Variants in CHD7 observed in about 807,000 individuals in gnomAD.
CHD7 encodes the protein ATP-dependent chromatin remodeler CHD7.
CHD7 carries 24 observed loss-of-function variants against 307.3 expected under a neutral mutation model. The observed-to-expected ratio is 0.08, with a 90% confidence interval of 0.06 to 0.11. CHD7 has a LOEUF of 0.11. Among genes scored for constraint, CHD7 ranks in the 10% least tolerant of loss-of-function variants. CHD7 has a pLI of 1.00. For missense variants in CHD7, 3,106 were observed against 3,727.1 expected (o/e 0.83, Z 4.34); for synonymous variants, 1,363 against 1,349.9 (o/e 1.01, Z -0.21).
At position 60,781,403 on chromosome 8, in the gene CHD7, C is replaced by A. The variant is rs1423334732; in HGVS notation, c.2069C>A (p.Pro690Gln). 6.5e-7 allele frequency: 1 copy of A among 1,529,976 alleles called. No individual in the cohort carries two copies. Among genetic ancestry groups the A allele is most frequent in the Non-Finnish European group, 8.7e-7 (1 of 1,147,654 alleles). 94.8% of individuals were successfully genotyped at this position (1,529,976 alleles called of 1,614,324 possible). Reference protein sequence around the residue: ...PKEKKAKTATPKPKSSKKSSN... With the variant: ...PKEKKAKTATQKPKSSKKSSN... ...GAAAAGAAAGCAAAAACTGCCACGCCAAAACCCAAATCCAGCAAAAAGTCA... is the reference window on the plus strand; with the variant it reads ...GAAAAGAAAGCAAAAACTGCCACGCAAAAACCCAAATCCAGCAAAAAGTCA... Residue 690 changes from proline to glutamine, a missense_variant, in exon 3 of 38, where the codon CCA becomes CAA. Physicochemically the swap from Pro to Gln is moderately conservative, Grantham distance 76. This residue lies in a region of CHD7 where 998 missense variants were observed against 1,004.5 expected (regional missense o/e 0.99). Coordinates refer to ENST00000423902, the MANE Select transcript of CHD7 (RefSeq NM_017780.4).
At chr8:60,811,913 T>A (rs1254944862) in intron 7 of CHD7, among the ~76,000 whole-genome samples, 2 of 152,244 alleles carry the variant, frequency 1.3e-5, no homozygotes, top group Non-Finnish European at 2.9e-5. Context: ...CATTTTCTCT[T>A]ATTGTGAATA....
rs554276306 is a variant in CHD7 at position 60,778,809 on chromosome 8, A to G, written c.1666-2191A>G. On this transcript the variant is annotated intron_variant, in intron 2 of 37. Coordinates refer to ENST00000423902, the MANE Select transcript of CHD7 (RefSeq NM_017780.4). ...GGAATAATATGTACAAACTAACTCA[A>G]CTTATGCAAACTAAATATAAAACAG... is the stretch of plus-strand genomic sequence containing the variant. 3.2e-3 allele frequency among the ~76,000 whole-genome samples: 490 copies of G among 152,352 alleles called. 2 individuals are homozygous for G. The highest frequency in any genetic ancestry group is 5.4e-3 in the Non-Finnish European group (364 of 68,030).
intron 7 of CHD7, among the ~76,000 whole-genome samples, chr8:60,813,413 A>G (rs1812902265): frequency 6.6e-6 from 1 of 152,190 alleles, no homozygotes; most frequent in Non-Finnish European, 1.5e-5. Context: ...TGTCAGTTAC[A>G]TTGGCTAATA....
intron 1 of CHD7, among the ~76,000 whole-genome samples, chr8:60,702,159 A>G (rs1806796211): frequency 6.6e-6 from 1 of 152,146 alleles, no homozygotes; most frequent in African/African-American, 2.4e-5. Flanking sequence ...AGTTGTGAGG[A>G]TTATATGGGG....
chr8:60,810,548 T>C (rs1812751893), intron 7 of CHD7, among the ~76,000 whole-genome samples: 1 of 152,174 alleles, frequency 6.6e-6, no homozygotes, highest in African/African-American at 2.4e-5. Context: ...ATTCTCTCCT[T>C]TCCCCTTTAA....
chr8:60,804,829 T>C (rs1001005477), intron 6 of CHD7, among the ~76,000 whole-genome samples: 2 of 152,238 alleles, frequency 1.3e-5, no homozygotes, highest in African/African-American at 4.8e-5. Context: ...TTCTCAAAGT[T>C]TCTGGTTTGT....
chr8:60,690,672 A>G (rs1042207366), intron 1 of CHD7, among the ~76,000 whole-genome samples: 2 of 152,136 alleles, frequency 1.3e-5, no homozygotes, highest in Non-Finnish European at 2.9e-5. Flanking sequence ...ATTTCCCCAC[A>G]CTGTGGAGCA....
chr8:60,743,918 G>A (rs1809188757), intron 2 of CHD7, among the ~76,000 whole-genome samples: 1 of 152,186 alleles, frequency 6.6e-6, no homozygotes, highest in African/African-American at 2.4e-5. Flanking sequence ...TTGCAGCTCT[G>A]TTTTTGGGGT....
chr8:60,769,501 A>G (rs943547210), intron 2 of CHD7, among the ~76,000 whole-genome samples: 20 of 152,230 alleles, frequency 1.3e-4, no homozygotes, highest in African/African-American at 4.8e-4. Context: ...TTAGCTAATC[A>G]ACCATTTGAG....
At position 60,801,581 on chromosome 8, in the gene CHD7, A is replaced by C; in HGVS notation, c.2430A>C (p.Ser810=). ...TAGAAAAAATTATGAGCAGTCGTTCAGTAAAAAAGCAGGTGAGTGCCATTG... is the reference window on the plus strand; with the variant it reads ...TAGAAAAAATTATGAGCAGTCGTTCCGTAAAAAAGCAGGTGAGTGCCATTG... ...PVVEKIMSSR[S]VKKQKESGEE... The change falls in exon 6 of 38, where the codon TCA becomes TCC. Residue 810 remains serine (S), a synonymous_variant. Transcript: ENST00000423902. 1 of 1,573,392 alleles carries C rather than the reference A, an allele frequency of 6.4e-7. No homozygotes were observed. The highest frequency in any genetic ancestry group is 1.2e-5 in the South Asian group (1 of 85,510).
At chr8:60,726,872 G>C (rs1271111378) in intron 1 of CHD7, among the ~76,000 whole-genome samples, 2 of 152,036 alleles carry the variant, frequency 1.3e-5, no homozygotes, top group Admixed American at 1.3e-4. Flanking sequence ...TGTGTCCCAG[G>C]GGGTTCTGCC....
intron 1 of CHD7, among the ~76,000 whole-genome samples, chr8:60,724,361 G>A (rs1035947594): frequency 6.6e-6 from 1 of 152,212 alleles, no homozygotes; most frequent in Non-Finnish European, 1.5e-5. Flanking sequence ...GGTTAAACTG[G>A]GAGCAAGGAA....
At chr8:60,849,493 A>G (rs909033144) in intron 25 of CHD7, among the ~76,000 whole-genome samples, 1 of 152,140 alleles carries the variant, frequency 6.6e-6, no homozygotes, top group Non-Finnish European at 1.5e-5. Flanking sequence ...ACCAGTGTCA[A>G]AGTGGACGGT....
intron 3 of CHD7, among the ~76,000 whole-genome samples, chr8:60,794,527 T>A (rs1236730209): frequency 1.3e-5 from 2 of 152,194 alleles, no homozygotes; most frequent in African/African-American, 4.8e-5. Flanking sequence ...AAAATGTAAC[T>A]GGATGGTATA....
chr8:60,810,528 C>A lies in CHD7; in HGVS notation c.2498+2256C>A, dbSNP rs1373980783. Among the ~76,000 whole-genome samples, 3 of 152,074 alleles carry A rather than the reference C, an allele frequency of 2.0e-5. No individual in the cohort carries two copies. The East Asian group carries it at 5.8e-4, about 29-fold the overall frequency. On this transcript the variant is annotated intron_variant, in intron 7 of 37. Transcript: ENST00000423902. ...GATACTTCCAGTATTATTCCAGCAG[C>A]CCAGGGTTCATTCTCTCCTTTCCCC...
At chr8:60,722,281 G>A (rs575193570) in intron 1 of CHD7, among the ~76,000 whole-genome samples, 3 of 152,236 alleles carry the variant, frequency 2.0e-5, no homozygotes, top group African/African-American at 7.2e-5. Flanking sequence ...TTGAGACAGT[G>A]GAAATTACTG....
Position 60,822,516 on chromosome 8 carries a change from T to C in CHD7, c.2971T>C (p.Leu991=). ...TTCCTCCTAAAGGCGAAACTGCATT[T>C]TAGCAGATGAAATGGGTTTGGGAAA... The part of the protein sequence containing the change: ...FNWYNMRNCI[L]ADEMGLGKTI... The change falls in exon 12 of 38, where the codon TTA becomes CTA. Residue 991 remains leucine, a synonymous_variant. Transcript: ENST00000423902. 1 of 1,613,510 alleles carries C rather than the reference T, an allele frequency of 6.2e-7. No homozygotes were observed. The highest frequency in any genetic ancestry group is 2.2e-5 in the East Asian group (1 of 44,878).
At chr8:60,743,376 T>C (rs546665361) in intron 2 of CHD7, among the ~76,000 whole-genome samples, 18 of 152,362 alleles carry the variant, frequency 1.2e-4, no homozygotes, top group Non-Finnish European at 2.5e-4. Context: ...GGACTCAGAA[T>C]GCTCACAAGA....
At chr8:60,732,525 C>T (rs1435136776) in intron 1 of CHD7, among the ~76,000 whole-genome samples, 1 of 152,212 alleles carries the variant, frequency 6.6e-6, no homozygotes, top group Non-Finnish European at 1.5e-5. Context: ...CTGTTCCACC[C>T]TCACTTTTTG....
Sources: gnomAD v4.1 joint callset for allele counts (sites outside exome capture counted in the v4.1 genomes callset) on GRCh38, gnomAD v4.1.1 for gene constraint, gnomAD v4.1.1 regional missense constraint, MANE v1.5 for transcripts, NCBI Gene and HGNC (gene_info 2026-07-23, HGNC 2026-07-21) for gene names.